The following GLIS2 variants were observed in gnomAD, a reference collection of about 807,000 sequenced individuals.
The protein encoded by GLIS2 is GLIS family zinc finger 2.
A neutral mutation model predicts 35.6 loss-of-function variants in GLIS2; 14 were observed. The observed-to-expected ratio is 0.39, with a 90% CI of 0.26 to 0.61. The LOEUF (loss-of-function observed/expected upper bound fraction) is 0.61. Among genes scored for constraint, GLIS2 ranks in the 20% least tolerant of loss-of-function variants. The pLI is 0.48. For synonymous variants in GLIS2, 368 were observed against 325.1 expected (o/e 1.13, Z -1.42); for missense variants, 675 against 713.4 (o/e 0.95, Z 0.61).
In GLIS2 at chr16:4,337,478, T is replaced by A; in HGVS notation, c.1529T>A (p.Val510Asp). The A allele has an allele frequency of 1.3e-6, 2 of 1,572,536 alleles. No homozygotes were observed. The highest frequency in any genetic ancestry group is 1.7e-6 in the Non-Finnish European group (2 of 1,163,218). The change falls in exon 7 of 7, where the codon GTC becomes GAC. Residue 510 changes from valine (V) to aspartate (D), a missense_variant. Coordinates refer to ENST00000433375, the MANE Select transcript of GLIS2 (RefSeq NM_032575.3). ...SPEALAPGWV[V>D]IPPGSVLLKP... ...GAGGCGTTGGCCCCTGGCTGGGTGG[T>A]CATCCCGCCGGGCTCGGTGCTGCTC...
intron 1 of GLIS2, among the ~76,000 whole-genome samples, chr16:4,323,440 G>A (rs2053398151): frequency 6.6e-6 from 1 of 152,098 alleles, no homozygotes; most frequent in Admixed American, 6.5e-5. Flanking sequence ...TTGTGCAAAG[G>A]TGCAGCAGCG....
chr16:4,333,058 C>T (rs978662524), intron 2 of GLIS2, among the ~76,000 whole-genome samples: 1 of 152,172 alleles, frequency 6.6e-6, no homozygotes, highest in Non-Finnish European at 1.5e-5. Context: ...GCCCTGGGTT[C>T]GAGTCCTGTT....
At chr16:4,333,130 C>G (rs1036158658) in intron 2 of GLIS2, among the ~76,000 whole-genome samples, 1 of 152,194 alleles carries the variant, frequency 6.6e-6, no homozygotes, top group African/African-American at 2.4e-5. Context: ...CCCCCCTCCC[C>G]GGCTCACGGG....
rs913936494 is a variant in GLIS2, at chr16:4,337,874, G to A, written c.*350G>A. 1 of 438,638 alleles carries A rather than the reference G, an allele frequency of 2.3e-6. No individual in the cohort carries two copies. Among genetic ancestry groups the A allele is most frequent in the Non-Finnish European group, 4.2e-6 (1 of 236,564 alleles). The allele number at this position is 438,638 out of a possible 1,614,324, so 27.2% of individuals were successfully genotyped here. ...CTCACCTAGTGACCACCCATGGCAA[G>A]TTGCCCTCTCCCAGCAGAGGGGGTG... On this transcript the variant is annotated 3_prime_UTR_variant, in exon 7 of 7. Coordinates refer to ENST00000433375, the MANE Select transcript of GLIS2 (RefSeq NM_032575.3).
intron 1 of GLIS2, among the ~76,000 whole-genome samples, chr16:4,328,897 C>A (rs1596237721): frequency 6.6e-6 from 1 of 151,790 alleles, no homozygotes; most frequent in Admixed American, 6.6e-5. Flanking sequence ...TTGGGCAGCG[C>A]TGCCAGTGAG....
At chr16:4,334,675 AC>A in intron 3 of GLIS2, 125 bp from the exon 4 acceptor site, 1 of 1,105,066 alleles carries the variant, frequency 9.0e-7, no homozygotes, top group Middle Eastern at 2.1e-4. Flanking sequence ...GGCCACATGC[AC>A]AGGTAGGGGC....
In GLIS2 at chr16:4,335,151, A is replaced by T. The variant is rs745469791; in HGVS notation, c.614A>T (p.His205Leu). 6.2e-6 allele frequency: 10 copies of T among 1,613,142 alleles called. No individual in the cohort carries two copies. The African/African-American group carries it at 1.2e-4, about 19-fold the overall frequency. ...KPEKDAGYCC[H>L]WEGCARHGRG... The stretch of plus-strand genomic sequence containing the variant: ...GAGAAGGATGCGGGGTACTGCTGCC[A>T]CTGGGAGGGCTGCGCCCGCCATGGC... Residue 205 changes from histidine to leucine, a missense_variant, in exon 5 of 7, where the codon CAC becomes CTC. Physicochemically the swap from His to Leu is moderately conservative, Grantham distance 99. This residue lies in a region of GLIS2 where 133 missense variants were observed against 191.4 expected (regional missense o/e 0.69). Transcript: ENST00000433375. This position sits in a 1 kb window ranked among gnomAD's most constrained non-coding sequence, Gnocchi z 4.6.
intron 6 of GLIS2, chr16:4,336,510 A>C: frequency 1.5e-6 from 1 of 654,276 alleles, no homozygotes; most frequent in Non-Finnish European, 2.8e-6. Flanking sequence ...GGGCGAGGCT[A>C]GGCAGAGCTG....
rs781209412 is a variant in GLIS2 at position 4,336,808 on chromosome 16, C to A, written c.859C>A (p.His287Asn). The A allele has an allele frequency of 6.2e-7, 1 of 1,612,154 alleles. No homozygotes were observed. Among genetic ancestry groups the A allele is most frequent in the African/African-American group, 1.3e-5 (1 of 75,018 alleles). Residue 287 changes from histidine (H) to asparagine (N), a missense_variant, in exon 7 of 7, where the codon CAC becomes AAC. This residue lies in a region of GLIS2 where 133 missense variants were observed against 191.4 expected (regional missense o/e 0.69). Coordinates refer to ENST00000433375, the MANE Select transcript of GLIS2 (RefSeq NM_032575.3). ...SSDRFKHTRT[H>N]YVDKPYYCKM... ...TGACCGCTTTAAGCACACGCGCACC[C>A]ACTATGTGGACAAGCCCTACTACTG...
Position 4,336,528 on chromosome 16 carries a change from C to T in GLIS2, c.776-197C>T, listed in dbSNP as rs530580381. The stretch of plus-strand genomic sequence containing the variant: ...CGAGGCTAGGCAGAGCTGGAGTCAA[C>T]CAGGCTGAGTTTTCAGCCTCTGTGC... On this transcript the variant is annotated intron_variant, in intron 6 of 6. Coordinates refer to ENST00000433375, the MANE Select transcript of GLIS2 (RefSeq NM_032575.3). The T allele has an allele frequency of 1.0e-5, 7 of 670,254 alleles. No individual in the cohort carries two copies. The Admixed American group carries it at 1.5e-4, about 14-fold the overall frequency. The allele number at this position is 670,254 out of a possible 1,614,324, so 41.5% of individuals were successfully genotyped here.
intron 1 of GLIS2, among the ~76,000 whole-genome samples, chr16:4,318,458 A>G (rs974710275): frequency 2.6e-4 from 39 of 152,240 alleles, no homozygotes; most frequent in Admixed American, 2.6e-3. Context: ...CAGACATCCC[A>G]AAACCTCATT....
intron 1 of GLIS2, among the ~76,000 whole-genome samples, chr16:4,323,426 A>G (rs541194337): frequency 6.6e-6 from 1 of 152,290 alleles, no homozygotes; most frequent in African/African-American, 2.4e-5. Flanking sequence ...AATACCAGAC[A>G]TAGTTGTGCA....
rs2053552455 is a variant in GLIS2 at position 4,336,478 on chromosome 16, A to G, written c.776-247A>G. On this transcript the variant is annotated intron_variant, in intron 6 of 6. Coordinates refer to ENST00000433375, the MANE Select transcript of GLIS2 (RefSeq NM_032575.3). ...GCCATGTTCTGCTGCTGAAAGGCAC[A>G]TCCTCTGTAGCAGAGGGTGCAGGGC... 8.1e-6 allele frequency: 5 copies of G among 615,680 alleles called. No individual in the cohort carries two copies. The South Asian group carries it at 9.3e-5, about 12-fold the overall frequency. The allele number at this position is 615,680 out of a possible 1,614,324, so 38.1% of individuals were successfully genotyped here.
intron 1 of GLIS2, among the ~76,000 whole-genome samples, chr16:4,323,419 A>G (rs1387830490): frequency 1.3e-5 from 2 of 152,136 alleles, no homozygotes; most frequent in Non-Finnish European, 2.9e-5. Context: ...ACAGGAAAAT[A>G]CCAGACATAG....
rs559389339 is a variant in GLIS2, at chr16:4,331,116, A to G, written c.-66-1099A>G. Among the ~76,000 whole-genome samples, 48 of 152,028 alleles carry G rather than the reference A, an allele frequency of 3.2e-4. No homozygotes were observed. The Middle Eastern group carries it at 0.01, about 33-fold the overall frequency. ...CTCAGCCTCCCGAGTAGCTGGGACT[A>G]CAGGCGCCCGCCACCACACCTGGCT... On this transcript the variant is annotated intron_variant, in intron 1 of 6. Coordinates refer to ENST00000433375, the MANE Select transcript of GLIS2 (RefSeq NM_032575.3).
rs2053306948 is a variant in GLIS2, at chr16:4,316,073, C to T, written c.-248C>T. 6.9e-6 allele frequency among the ~76,000 whole-genome samples: 1 copy of T among 145,304 alleles called. No homozygotes were observed. The highest frequency in any genetic ancestry group is 1.5e-5 in the Non-Finnish European group (1 of 65,288). ...CGGCCCGGCCGCCGCGGCCACCTTCCCTGCCCGAGCTGCAGATGTGGCGGA... is the reference window on the plus strand; with the variant it reads ...CGGCCCGGCCGCCGCGGCCACCTTCTCTGCCCGAGCTGCAGATGTGGCGGA... On this transcript the variant is annotated 5_prime_UTR_variant, in exon 1 of 7. Coordinates refer to ENST00000433375, the MANE Select transcript of GLIS2 (RefSeq NM_032575.3).
At chr16:4,334,023 A>G (rs560301109) in intron 3 of GLIS2, among the ~76,000 whole-genome samples, 7 of 152,098 alleles carry the variant, frequency 4.6e-5, no homozygotes, top group African/African-American at 1.7e-4. Flanking sequence ...GCTCACTGCA[A>G]CCTCCGCCTC....
Position 4,335,261 on chromosome 16 carries a change from C to G in GLIS2, c.657-14C>G, listed in dbSNP as rs572594716. 5.6e-6 allele frequency: 9 copies of G among 1,613,722 alleles called. No homozygotes were observed. In the African/African-American group the frequency reaches 1.1e-4, roughly 19 times the overall value. ...CAGTGAGCTGAGCCGTGCCCCCCGC[C>G]CTCCCTGGAGCAGGTACAAGATGCT... On this transcript the variant is annotated splice_polypyrimidine_tract_variant and intron_variant, in intron 5 of 6. Coordinates refer to ENST00000433375, the MANE Select transcript of GLIS2 (RefSeq NM_032575.3). This position sits in a 1 kb window ranked among gnomAD's most constrained non-coding sequence, Gnocchi z 4.6.
At chr16:4,336,688 A>AC in intron 6 of GLIS2, 37 bp from the exon 7 acceptor site, 1 of 1,554,386 alleles carries the variant, frequency 6.4e-7, no homozygotes, top group Non-Finnish European at 8.7e-7. Context: ...AAGGGGAGAG[A>AC]CCCCTCATGG....
Sources: allele counts gnomAD v4.1 joint callset (sites outside exome capture counted in the v4.1 genomes callset), GRCh38; gene constraint gnomAD v4.1.1; regional missense constraint gnomAD v4.1.1; non-coding constraint Gnocchi (gnomAD v3.1); transcripts MANE v1.5; gene names NCBI Gene and HGNC (gene_info 2026-07-23, HGNC 2026-07-21).